Variants in EXD2 observed in about 807,000 individuals in gnomAD.
EXD2 encodes exonuclease 3'-5' domain containing 2.
In EXD2, 40 loss-of-function variants were observed where a neutral mutation model predicts 62.5. The observed-to-expected ratio is 0.64, with a 90% CI of 0.50 to 0.83. The LOEUF is 0.83. Ranked by LOEUF, EXD2 falls within the 40% of genes least tolerant of loss-of-function variation. The probability of loss-of-function intolerance (pLI) is 0.00; values close to 1 mark genes in which losing one functional copy is unlikely to be tolerated. For synonymous variants in EXD2, 239 were observed against 291.9 expected, an observed-to-expected ratio of 0.82 and a Z score of 1.85; for missense variants, 671 against 761.8, an observed-to-expected ratio of 0.88 and a Z score of 1.40.
In EXD2 at chr14:69,228,125, G is replaced by C. The variant is rs574234147; in HGVS notation, c.334-691G>C. 5 of 151,308 alleles carry C rather than the reference G, an allele frequency of 3.3e-5. No homozygotes were observed. In the South Asian group the frequency reaches 1.0e-3, roughly 32 times the overall value. The allele number at this position is 151,308 out of a possible 1,614,324, so 9.4% of individuals were successfully genotyped here. A position where few individuals can be genotyped will look rare whatever the true frequency, so the allele number is the denominator to read the frequency against. ...ACCTGCGTGTACATTAGAGAGGCTG[G>C]ATAATGAAAAGAGGATGTTTATCAT... On this transcript the variant is annotated intron_variant, in intron 3 of 9. Transcript: ENST00000685843.
At position 69,234,871 on chromosome 14, in the gene EXD2, A is replaced by G. The variant is rs367788970; in HGVS notation, c.889A>G (p.Met297Val). Reference protein sequence around the residue: ...VVDIPFRSKGMSRLGEEVNGE... With the variant: ...VVDIPFRSKGVSRLGEEVNGE... Reference sequence around the variant, plus strand: ...CGACATCCCATTTCGAAGCAAAGGAATGAGCAGATTGGGAGAAGAGGTTAA... The same window carrying G: ...CGACATCCCATTTCGAAGCAAAGGAGTGAGCAGATTGGGAGAAGAGGTTAA... The change falls in exon 6 of 10, where the codon ATG becomes GTG. Residue 297 changes from methionine (M) to valine (V), a missense_variant. Met to Val is a conservative substitution (Grantham distance 21, BLOSUM62 1). Coordinates refer to ENST00000685843, the MANE Select transcript of EXD2 (RefSeq NM_001193360.2). 20 of 1,614,248 alleles carry G rather than the reference A, an allele frequency of 1.2e-5. No homozygotes were observed. Among genetic ancestry groups the G allele is most frequent in the Admixed American group, 3.3e-5 (2 of 60,024 alleles).
intron 3 of EXD2, among the ~76,000 whole-genome samples, chr14:69,223,783 A>G (rs2043267219): frequency 6.6e-6 from 1 of 152,184 alleles, no homozygotes; most frequent in Non-Finnish European, 1.5e-5. Context: ...TGGTGCAATA[A>G]AGGCTGAGCA....
At chr14:69,237,987 T>G in intron 9 of EXD2, 56 bp downstream of exon 9, 3 of 1,454,722 alleles carry the variant, frequency 2.1e-6, no homozygotes, top group Non-Finnish European at 2.8e-6. Context: ...CATTACTTAG[T>G]GAGAATGCTT....
At chr14:69,199,365 G>A (rs944072040) in intron 1 of EXD2, among the ~76,000 whole-genome samples, 11 of 152,214 alleles carry the variant, frequency 7.2e-5, no homozygotes, top group Admixed American at 6.5e-5. Context: ...GGCTTAGGAC[G>A]TGACTGTACA....
intron 2 of EXD2, among the ~76,000 whole-genome samples, chr14:69,207,893 C>CT (rs554026312): frequency 0.11 from 15,865 of 141,912 alleles, 1,256 homozygotes; most frequent in African/African-American, 0.23. Context: ...AGGCCATTTA[C>CT]TTTTTTTTTT....
At chr14:69,238,056 A>G (rs759507333) in intron 9 of EXD2, 125 bp downstream of exon 9, 9 of 789,180 alleles carry the variant, frequency 1.1e-5, no homozygotes, top group Non-Finnish European at 1.8e-5. Context: ...TTCACCTAGT[A>G]GGTGTCTAGT....
intron 3 of EXD2, among the ~76,000 whole-genome samples, chr14:69,221,054 G>A (rs1477605317): frequency 6.6e-6 from 1 of 152,196 alleles, no homozygotes; most frequent in Non-Finnish European, 1.5e-5. Context: ...TTTTTGTGGA[G>A]ATGGGAGTCT....
At chr14:69,214,006 ACTT>A (rs2042910083) in intron 3 of EXD2, 1 of 152,142 alleles carries the variant, frequency 6.6e-6, no homozygotes, top group Non-Finnish European at 1.5e-5. Context: ...TTGATAATAA[ACTT>A]CATCATTTTG....
intron 2 of EXD2, 104 bp from the exon 3 acceptor site, chr14:69,209,320 T>C: frequency 1.9e-6 from 1 of 530,666 alleles, no homozygotes; most frequent in Non-Finnish European, 3.1e-6. Context: ...TTGTTTTAGT[T>C]TGTGGGCACA....
At chr14:69,200,246 A>G (rs1413708315) in intron 1 of EXD2, among the ~76,000 whole-genome samples, 2 of 152,204 alleles carry the variant, frequency 1.3e-5, no homozygotes, top group East Asian at 1.9e-4. Flanking sequence ...ATTCATAGTG[A>G]TAGAAGGTAT....
chr14:69,200,057 G>C (rs2042340115), intron 1 of EXD2, among the ~76,000 whole-genome samples: 1 of 152,158 alleles, frequency 6.6e-6, no homozygotes, highest in South Asian at 2.1e-4. Context: ...CGGTTAGGAT[G>C]GCTATGATGT....
intron 5 of EXD2, among the ~76,000 whole-genome samples, chr14:69,233,420 T>C (rs1411915558): frequency 1.3e-5 from 2 of 151,930 alleles, no homozygotes; most frequent in Admixed American, 6.5e-5. Context: ...TTAAATTTAA[T>C]TTAATTAATT....
intron 3 of EXD2, among the ~76,000 whole-genome samples, chr14:69,218,761 G>C (rs1462684981): frequency 1.3e-5 from 2 of 152,168 alleles, no homozygotes; most frequent in African/African-American, 2.4e-5. Context: ...TTATTAAATA[G>C]GGAATCCTTT....
rs917977155 is a variant in EXD2 at position 69,194,813 on chromosome 14, G to A, written c.-132+3222G>A. 6.6e-5 allele frequency among the ~76,000 whole-genome samples: 10 copies of A among 152,134 alleles called. 1 individual carries two copies. The highest frequency in any genetic ancestry group is 6.5e-4 in the Admixed American group (10 of 15,284). On this transcript the variant is annotated intron_variant, in intron 1 of 9. Coordinates refer to ENST00000685843, the MANE Select transcript of EXD2 (RefSeq NM_001193360.2). The stretch of plus-strand genomic sequence containing the variant: ...CATCATGATTATTATTTTATTGGAA[G>A]TCATATACTATATCAGCTCATGTAC...
At chr14:69,195,807 T>C (rs560164401) in intron 1 of EXD2, among the ~76,000 whole-genome samples, 1 of 152,348 alleles carries the variant, frequency 6.6e-6, no homozygotes, top group Non-Finnish European at 1.5e-5. Flanking sequence ...CTTAGGATAA[T>C]GTACTGAAGA....
intron 1 of EXD2, among the ~76,000 whole-genome samples, chr14:69,199,604 T>C (rs543013010): frequency 1.3e-5 from 2 of 152,284 alleles, no homozygotes; most frequent in Non-Finnish European, 2.9e-5. Context: ...TTAAAATTTT[T>C]TTTTTTTTAC....
At chr14:69,192,159 A>G (rs2140164793) in intron 1 of EXD2, 1 of 152,274 alleles carries the variant, frequency 6.6e-6, no homozygotes, top group East Asian at 1.9e-4. Flanking sequence ...TAAGAACCTT[A>G]ATCATTATTT....
intron 5 of EXD2, among the ~76,000 whole-genome samples, chr14:69,233,585 G>A (rs558594523): frequency 7.3e-5 from 11 of 151,594 alleles, no homozygotes; most frequent in Admixed American, 5.2e-4. Context: ...GATTACAGGC[G>A]CGTGCCACCG....
At chr14:69,226,010 C>G (rs1396493018) in intron 3 of EXD2, among the ~76,000 whole-genome samples, 1 of 152,050 alleles carries the variant, frequency 6.6e-6, no homozygotes, top group Non-Finnish European at 1.5e-5. Flanking sequence ...TTTATCTTTT[C>G]TTTTTACTCA....
Sources: allele counts gnomAD v4.1 joint callset (sites outside exome capture counted in the v4.1 genomes callset), GRCh38; gene constraint gnomAD v4.1.1; transcripts MANE v1.5; gene names NCBI Gene and HGNC (gene_info 2026-07-23, HGNC 2026-07-21).